NLGN1: variants seen among roughly 807,000 people sequenced by gnomAD.
NLGN1 encodes the protein neuroligin 1, also known as neuroligin-1.
In NLGN1, 12 loss-of-function variants were observed where a neutral mutation model predicts 65.5. That is an observed-to-expected ratio of 0.18 (90% confidence interval 0.12 to 0.30). NLGN1 has a LOEUF of 0.30. Among genes scored for constraint, NLGN1 ranks in the 10% least tolerant of loss-of-function variants. NLGN1 has a pLI of 1.00. For synonymous variants in NLGN1, 350 were observed against 359.5 expected, an observed-to-expected ratio of 0.97 and a Z score of 0.30; for missense variants, 750 against 1,007.1, an observed-to-expected ratio of 0.74 and a Z score of 3.46.
intron 3 of NLGN1, among the ~76,000 whole-genome samples, chr3:173,749,622 A>G (rs1327026415): frequency 6.6e-6 from 1 of 152,000 alleles, no homozygotes; most frequent in Non-Finnish European, 1.5e-5. Flanking sequence ...AATATCAGAG[A>G]TCTTTATTCC....
chr3:173,949,786 G>A (rs1747858882), intron 4 of NLGN1, among the ~76,000 whole-genome samples: 1 of 152,146 alleles, frequency 6.6e-6, no homozygotes, highest in Admixed American at 6.5e-5. Context: ...CAGTGTTGCT[G>A]GAGTTTAAGA....
At chr3:174,067,224 G>A (rs1738814108) in intron 4 of NLGN1, among the ~76,000 whole-genome samples, 2 of 151,972 alleles carry the variant, frequency 1.3e-5, no homozygotes, top group Admixed American at 6.6e-5. Context: ...AAATAAATTT[G>A]ATTAATCTAC....
At chr3:174,255,635 T>A (rs1264805751) in intron 4 of NLGN1, among the ~76,000 whole-genome samples, 1 of 101,390 alleles carries the variant, frequency 9.9e-6, no homozygotes, top group Non-Finnish European at 2.0e-5. Context: ...CTTTCTTTTC[T>A]TCTATTTATT....
intron 4 of NLGN1, among the ~76,000 whole-genome samples, chr3:173,837,852 G>C (rs568991969): frequency 6.6e-6 from 1 of 152,184 alleles, no homozygotes; most frequent in South Asian, 2.1e-4. Context: ...AAGTGGGACT[G>C]TATGCAGTTC....
intron 3 of NLGN1, among the ~76,000 whole-genome samples, chr3:173,721,343 A>C (rs1578121277): frequency 6.6e-6 from 1 of 152,350 alleles, no homozygotes; most frequent in African/African-American, 2.4e-5. Context: ...ATGCAAAAAG[A>C]TAGCCAGGCC....
At chr3:174,130,551 A>G (rs1307655692) in intron 4 of NLGN1, among the ~76,000 whole-genome samples, 1 of 152,120 alleles carries the variant, frequency 6.6e-6, no homozygotes, top group African/African-American at 2.4e-5. Flanking sequence ...TCATCCCTTT[A>G]TTCACTCCAC....
intron 4 of NLGN1, among the ~76,000 whole-genome samples, chr3:174,107,011 CACACACAG>C (rs774597454): frequency 0.042 from 4,764 of 114,040 alleles, 71 homozygotes; most frequent in African/African-American, 0.077. Flanking sequence ...CACACACACA[CACACACAG>C]AGAGAGAGAG....
intron 2 of NLGN1, among the ~76,000 whole-genome samples, chr3:173,448,766 C>A (rs928038545): frequency 6.6e-6 from 1 of 152,216 alleles, no homozygotes; most frequent in African/African-American, 2.4e-5. Flanking sequence ...TTCAGAGATT[C>A]AACTTCTTCC....
chr3:173,586,876 C>T (rs1747542834), intron 2 of NLGN1, among the ~76,000 whole-genome samples: 1 of 152,154 alleles, frequency 6.6e-6, no homozygotes, highest in Non-Finnish European at 1.5e-5. Flanking sequence ...AGCCACTGAT[C>T]CTAGCCACAC....
At chr3:174,118,702 A>C (rs78877475) in intron 4 of NLGN1, among the ~76,000 whole-genome samples, 211 of 152,260 alleles carry the variant, frequency 1.4e-3, no homozygotes, top group African/African-American at 4.9e-3. Context: ...GGTTTCTAGC[A>C]TGTGCCTACC....
intron 3 of NLGN1, among the ~76,000 whole-genome samples, chr3:173,791,941 T>C (rs1470875026): frequency 1.3e-5 from 2 of 152,146 alleles, no homozygotes; most frequent in Admixed American, 6.6e-5. Context: ...TCTGGGCACA[T>C]GACCACTGGA....
In NLGN1 at chr3:173,604,409, G is replaced by A. The variant is rs1414017967; in HGVS notation, c.-190G>A. 3 of 664,210 alleles carry A rather than the reference G, an allele frequency of 4.5e-6. No homozygotes were observed. Among genetic ancestry groups the A allele is most frequent in the Admixed American group, 2.4e-5 (1 of 41,014 alleles). The allele number at this position is 664,210 out of a possible 1,614,324, so 41.1% of individuals were successfully genotyped here. ...TATGGTCTGATAAATAGTGATGATT[G>A]AAGATGCTGCTCCAATACATGTGAA... is the stretch of plus-strand genomic sequence containing the variant. On this transcript the variant is annotated 5_prime_UTR_variant, in exon 3 of 7. An upstream open reading frame in the 5' UTR loses its in-frame stop. Coordinates refer to ENST00000457714, the Ensembl canonical transcript of NLGN1.
chr3:174,080,968 A>G (rs1367374539), intron 4 of NLGN1, among the ~76,000 whole-genome samples: 33 of 129,930 alleles, frequency 2.5e-4, no homozygotes, highest in Admixed American at 5.9e-4. Flanking sequence ...GTGATAGGGG[A>G]AGCGCTCTCC....
At chr3:173,841,345 G>GA (rs1298387693) in intron 4 of NLGN1, among the ~76,000 whole-genome samples, 4 of 152,048 alleles carry the variant, frequency 2.6e-5, no homozygotes, top group African/African-American at 9.7e-5. Context: ...AGGCATCTTT[G>GA]AAAAGCCTTG....
At chr3:174,210,111 C>A (rs1193288342) in intron 4 of NLGN1, among the ~76,000 whole-genome samples, 1 of 152,160 alleles carries the variant, frequency 6.6e-6, no homozygotes, top group Non-Finnish European at 1.5e-5. Flanking sequence ...CCCCTTAACA[C>A]GTAAGTATGA....
At chr3:173,907,165 G>C (rs1738586374) in intron 4 of NLGN1, among the ~76,000 whole-genome samples, 1 of 152,114 alleles carries the variant, frequency 6.6e-6, no homozygotes, top group Non-Finnish European at 1.5e-5. Flanking sequence ...TCAAAACTCA[G>C]GAAGCCTAAA....
chr3:173,837,658 A>G (rs987540823), intron 4 of NLGN1, among the ~76,000 whole-genome samples: 19 of 152,244 alleles, frequency 1.2e-4, no homozygotes, highest in Non-Finnish European at 2.8e-4. Context: ...GAGATGGCCT[A>G]CATTTGTATA....
chr3:174,087,637 G>T (rs1399023494), intron 4 of NLGN1, among the ~76,000 whole-genome samples: 1 of 152,038 alleles, frequency 6.6e-6, no homozygotes, highest in Non-Finnish European at 1.5e-5. Context: ...TCATGACTGT[G>T]TATCCTGGCC....
intron 2 of NLGN1, among the ~76,000 whole-genome samples, chr3:173,594,488 G>A (rs1749105517): frequency 6.6e-6 from 1 of 152,216 alleles, no homozygotes; most frequent in Admixed American, 6.5e-5. Context: ...GCTTTGCAGG[G>A]TCCAACCTCC....
Sources: gnomAD v4.1 joint callset for allele counts (sites outside exome capture counted in the v4.1 genomes callset) on GRCh38, gnomAD v4.1.1 for gene constraint, MANE v1.5 for transcripts, NCBI Gene and HGNC (gene_info 2026-07-23, HGNC 2026-07-21) for gene names.